ILF2: variants seen among roughly 807,000 people sequenced by gnomAD.
ILF2 encodes the protein interleukin enhancer-binding factor 2.
A neutral mutation model predicts 55.3 loss-of-function variants in ILF2; 9 were observed. The observed-to-expected ratio is 0.16, with a 90% CI of 0.10 to 0.28. The LOEUF is 0.28. Among genes scored for constraint, ILF2 ranks in the 10% least tolerant of loss-of-function variants. The probability of loss-of-function intolerance (pLI) is 1.00; values close to 1 mark genes in which losing one functional copy is unlikely to be tolerated. For missense variants in ILF2, 266 were observed against 474.9 expected (o/e 0.56, Z 4.09); for synonymous variants, 151 against 161.8 (o/e 0.93, Z 0.50).
At chr1:153,668,709 G>A (rs2101716763) in intron 3 of ILF2, 152 bp from the exon 4 acceptor site, 2 of 889,020 alleles carry the variant, frequency 2.2e-6, no homozygotes, top group East Asian at 2.9e-5. Flanking sequence ...GGGCGTGGTG[G>A]CTCACACCTG....
chr1:153,669,779 C>G, intron 3 of ILF2, 57 bp downstream of exon 3: 2 of 1,362,440 alleles, frequency 1.5e-6, no homozygotes, highest in Non-Finnish European at 2.1e-6. Flanking sequence ...CTGGGAGATA[C>G]TGGGCTCCAT....
intron 1 of ILF2, among the ~76,000 whole-genome samples, chr1:153,670,574 G>A (rs572679704): frequency 2.6e-5 from 4 of 152,302 alleles, no homozygotes; most frequent in South Asian, 2.1e-4. Context: ...CCTTCGCACT[G>A]AGGATGAATG....
rs1197393271 is a variant in ILF2, at chr1:153,670,962, C to A, written c.-40G>T. The A allele has an allele frequency of 4.3e-6, 7 of 1,613,984 alleles. No homozygotes were observed. The South Asian group carries it at 7.7e-5, about 18-fold the overall frequency. On this transcript the variant is annotated 5_prime_UTR_variant, in exon 1 of 14. Coordinates refer to ENST00000361891, the MANE Select transcript of ILF2 (RefSeq NM_004515.4). ...CGAACAATGGAGGCCGCACCAACCG[C>A]CCCTTCCTCTGAGTAGCAGACAACT...
intron 6 of ILF2, 141 bp from the exon 7 acceptor site, chr1:153,665,869 A>G (rs1369272831): frequency 6.1e-6 from 4 of 653,040 alleles, no homozygotes; most frequent in Non-Finnish European, 1.0e-5. Flanking sequence ...ATACTTTTAT[A>G]AGAGAAAGCC....
At chr1:153,667,953 C>T (rs1480911091) in intron 5 of ILF2, 47 bp downstream of exon 5, 3 of 1,347,962 alleles carry the variant, frequency 2.2e-6, no homozygotes, top group Non-Finnish European at 3.1e-6. Flanking sequence ...GCAATTTCCA[C>T]ACTACCAAAG....
intron 7 of ILF2, 23 bp downstream of exon 7, chr1:153,665,640 C>T (rs774982988): frequency 6.2e-7 from 1 of 1,600,334 alleles, no homozygotes; most frequent in African/African-American, 1.3e-5. Context: ...CTACTAAATA[C>T]AGAATCAGCA....
chr1:153,662,478 T>C lies in ILF2; in HGVS notation c.1091A>G (p.Lys364Arg), dbSNP rs1350521754. The change falls in exon 14 of 14, where the codon AAG becomes AGG. Residue 364 changes from lysine (K) to arginine (R), a missense_variant. Lys to Arg is a conservative substitution (Grantham distance 26). Coordinates refer to ENST00000361891, the MANE Select transcript of ILF2 (RefSeq NM_004515.4). The part of the protein sequence containing the change: ...SEKAYEKPPE[K>R]KEGEEEEENT... The stretch of plus-strand genomic sequence containing the variant: ...CTCCTCTTCTTCCTCTCCTTCCTTC[T>C]TCTCTGGTGGCTTCTCATAAGCCTT... 1.2e-6 allele frequency: 2 copies of C among 1,613,854 alleles called. No individual in the cohort carries two copies. The highest frequency in any genetic ancestry group is 1.7e-5 in the Admixed American group (1 of 60,010).
chr1:153,668,667 T>C, intron 3 of ILF2, 110 bp from the exon 4 acceptor site: 1 of 1,258,546 alleles, frequency 7.9e-7, no homozygotes. Context: ...AATTCTACAC[T>C]TGTTTTTACT....
Position 153,663,295 on chromosome 1 carries a change from A to T in ILF2, c.745-19T>A. The stretch of plus-strand genomic sequence containing the variant: ...AATGGCCCTGAAAAATAATAAATCC[A>T]GTAGGTGTGCCATCAAAATGGCACT... On this transcript the variant is annotated intron_variant, in intron 10 of 13. Transcript: ENST00000361891. 3 of 1,612,286 alleles carry T rather than the reference A, an allele frequency of 1.9e-6. No homozygotes were observed. Among genetic ancestry groups the T allele is most frequent in the Non-Finnish European group, 2.5e-6 (3 of 1,178,434 alleles).
At chr1:153,666,706 A>G (rs1669317343) in intron 6 of ILF2, among the ~76,000 whole-genome samples, 1 of 152,214 alleles carries the variant, frequency 6.6e-6, no homozygotes, top group Admixed American at 6.5e-5. Flanking sequence ...ACCGCCAGAT[A>G]CTGCCAGATA....
chr1:153,667,763 T>C (rs897738613), intron 5 of ILF2, 106 bp from the exon 6 acceptor site: 4 of 807,502 alleles, frequency 5.0e-6, no homozygotes, highest in East Asian at 2.4e-5. Context: ...AATTAAGAAG[T>C]AGCAGAGGTG....
chr1:153,667,035 C>T (rs1228398223), intron 6 of ILF2, among the ~76,000 whole-genome samples: 3 of 152,114 alleles, frequency 2.0e-5, no homozygotes. Context: ...GGCAGGAAAA[C>T]AGCTAGAACC....
chr1:153,665,592 G>A (rs1387366454), intron 7 of ILF2, 71 bp downstream of exon 7: 5 of 1,285,192 alleles, frequency 3.9e-6, no homozygotes, highest in South Asian at 1.2e-5. Flanking sequence ...TGATTTTGTT[G>A]AAAGTGTACT....
rs143090254 is a variant in ILF2 at position 153,664,183 on chromosome 1, T to G, written c.657-53A>C. ...AAATCAATACGATCATGTATTTCCA[T>G]GCCTAAGGTAGAATTGAAGCTGACT... On this transcript the variant is annotated intron_variant, in intron 9 of 13. Coordinates refer to ENST00000361891, the MANE Select transcript of ILF2 (RefSeq NM_004515.4). 1.5e-4 allele frequency: 175 copies of G among 1,192,224 alleles called. No homozygotes were observed. In the African/African-American group the frequency reaches 2.3e-3, roughly 16 times the overall value. 73.9% of individuals were successfully genotyped at this position (1,192,224 alleles called of 1,614,324 possible).
chr1:153,664,486 A>G lies in ILF2; in HGVS notation c.578-12T>C, dbSNP rs551723187. 172 of 1,597,670 alleles carry G rather than the reference A, an allele frequency of 1.1e-4. No homozygotes were observed. Among genetic ancestry groups the G allele is most frequent in the Non-Finnish European group, 1.4e-4 (163 of 1,165,232 alleles). On this transcript the variant is annotated splice_polypyrimidine_tract_variant and intron_variant, in intron 8 of 13. Transcript: ENST00000361891. ...TACTTTGATATCCACTAAAAAGACA[A>G]GCATGATATGCCAGGATGAAACATT...
At chr1:153,666,929 C>G (rs750937059) in intron 6 of ILF2, among the ~76,000 whole-genome samples, 24 of 151,944 alleles carry the variant, frequency 1.6e-4, no homozygotes, top group Non-Finnish European at 3.1e-4. Flanking sequence ...TGAGACCAGA[C>G]TAGCTAACAT....
At chr1:153,662,883 T>C in intron 12 of ILF2, 88 bp from the exon 13 acceptor site, 1 of 1,358,046 alleles carries the variant, frequency 7.4e-7, no homozygotes. Context: ...TTAAGACAGC[T>C]TTTTAAATCT....
intron 8 of ILF2, 58 bp from the exon 9 acceptor site, chr1:153,664,532 T>C (rs1571334696): frequency 6.9e-6 from 9 of 1,301,080 alleles, no homozygotes; most frequent in Admixed American, 5.0e-5. Flanking sequence ...AAGCTACTCA[T>C]TACCACTGCT....
chr1:153,666,834 T>C (rs55772653), intron 6 of ILF2, among the ~76,000 whole-genome samples: 63,041 of 152,122 alleles, frequency 0.41, 14,416 homozygotes, highest in East Asian at 0.7. Context: ...TAAAAAACAT[T>C]TGTCAGGCAG....
Sources: allele counts gnomAD v4.1 joint callset (sites outside exome capture counted in the v4.1 genomes callset), GRCh38; gene constraint gnomAD v4.1.1; transcripts MANE v1.5; gene names NCBI Gene and HGNC (gene_info 2026-07-23, HGNC 2026-07-21).